Variants in CPE observed in about 807,000 individuals in gnomAD.
CPE encodes carboxypeptidase E.
Under a neutral mutation model 53.5 loss-of-function variants are expected in CPE, and 17 were observed. The observed-to-expected ratio is 0.32, with a 90% CI of 0.22 to 0.48. The LOEUF (loss-of-function observed/expected upper bound fraction) is 0.48, where lower values mean the gene tolerates loss of function less well. Among genes scored for constraint, CPE ranks in the 20% least tolerant of loss-of-function variants. The pLI is 0.99. For missense variants in CPE, 524 were observed against 614.7 expected (o/e 0.85, Z 1.56); for synonymous variants, 226 against 228.8 (o/e 0.99, Z 0.11).
At chr4:165,458,424 T>C (rs1023551337) in intron 1 of CPE, among the ~76,000 whole-genome samples, 2 of 152,232 alleles carry the variant, frequency 1.3e-5, no homozygotes, top group Admixed American at 1.3e-4. Context: ...GAGTTAAATA[T>C]ATAACTTCCA....
chr4:165,427,699 G>A (rs544731178), intron 1 of CPE, among the ~76,000 whole-genome samples: 4 of 152,162 alleles, frequency 2.6e-5, no homozygotes, highest in East Asian at 1.9e-4. Flanking sequence ...AGGCTCTGAC[G>A]GAAGTATTCC....
intron 6 of CPE, among the ~76,000 whole-genome samples, chr4:165,491,249 T>C (rs1327785434): frequency 6.6e-6 from 1 of 152,278 alleles, no homozygotes; most frequent in Non-Finnish European, 1.5e-5. Context: ...AATATGTTCT[T>C]GTAGTGATTG....
chr4:165,481,012 A>ATTTTTT (rs1332936191), intron 3 of CPE, among the ~76,000 whole-genome samples: 2 of 50,072 alleles, frequency 4.0e-5, no homozygotes, highest in African/African-American at 1.0e-4. Flanking sequence ...ATATATATAT[A>ATTTTTT]TATATTTTTT....
At chr4:165,445,969 A>G (rs1731708174) in intron 1 of CPE, among the ~76,000 whole-genome samples, 1 of 152,144 alleles carries the variant, frequency 6.6e-6, no homozygotes, top group Non-Finnish European at 1.5e-5. Flanking sequence ...ATAGATGGAA[A>G]CCTAATTTAT....
chr4:165,379,085 C>A lies in CPE; in HGVS notation c.-137C>A. The A allele has an allele frequency of 5.1e-6, 4 of 785,976 alleles. No individual in the cohort carries two copies. The highest frequency in any genetic ancestry group is 6.7e-6 in the Non-Finnish European group (4 of 593,340). 48.7% of individuals were successfully genotyped at this position (785,976 alleles called of 1,614,324 possible). On this transcript the variant is annotated 5_prime_UTR_variant, in exon 1 of 9. Transcript: ENST00000402744. The surrounding 1 kb of genome is among the most constrained non-coding windows in gnomAD (Gnocchi z 6.0). Reference sequence around the variant, plus strand: ...AGTGCGCGGGCTGACACTCATTCAGCCGGGGAAGGTGAGGCGAGTAGAGGC... The same window carrying A: ...AGTGCGCGGGCTGACACTCATTCAGACGGGGAAGGTGAGGCGAGTAGAGGC...
chr4:165,470,265 G>T (rs1408509123), intron 3 of CPE, among the ~76,000 whole-genome samples: 1 of 152,128 alleles, frequency 6.6e-6, no homozygotes, highest in Non-Finnish European at 1.5e-5. Flanking sequence ...TTTCTATGTT[G>T]GCATGCTTAC....
rs1043357753 is a variant in CPE, at chr4:165,404,980, T to G, written c.307+25452T>G. ...CTGGAATCACTGCTTCTACTTCCTTTAGCACTCTGTGCTTAAAACTAAGGA... is the reference window on the plus strand; with the variant it reads ...CTGGAATCACTGCTTCTACTTCCTTGAGCACTCTGTGCTTAAAACTAAGGA... On this transcript the variant is annotated intron_variant, in intron 1 of 8. Transcript: ENST00000402744. 5 of 754,294 alleles carry G rather than the reference T, an allele frequency of 6.6e-6. No homozygotes were observed. In the African/African-American group the frequency reaches 6.8e-5, roughly 10 times the overall value. The allele number at this position is 754,294 out of a possible 1,614,324, so 46.7% of individuals were successfully genotyped here.
At position 165,495,660 on chromosome 4, in the gene CPE, T is replaced by C. The variant is rs757383261; in HGVS notation, c.1315T>C (p.Tyr439His). The change falls in exon 8 of 9, where the codon TAC (tyrosine) becomes CAC (histidine). Residue 439 changes from tyrosine (Y) to histidine (H), a missense_variant. Physicochemically the swap from Tyr to His is moderately conservative, Grantham distance 83. Transcript: ENST00000402744. Reference sequence around the variant, plus strand: ...AATAACAAAGAAAGTGGCAGTTCCTTACAGCCCTGCTGCTGGGGTAAGTAA... The same window carrying C: ...AATAACAAAGAAAGTGGCAGTTCCTCACAGCCCTGCTGCTGGGGTAAGTAA... ...LAITKKVAVP[Y>H]SPAAGVDFEL... 6.2e-7 allele frequency: 1 copy of C among 1,609,882 alleles called. No homozygotes were observed. The highest frequency in any genetic ancestry group is 1.1e-5 in the South Asian group (1 of 90,764).
chr4:165,475,131 G>C (rs1040432846), intron 3 of CPE, among the ~76,000 whole-genome samples: 2 of 152,070 alleles, frequency 1.3e-5, no homozygotes, highest in Non-Finnish European at 2.9e-5. Flanking sequence ...TGAGGCTTGA[G>C]GTAAGAACTC....
At chr4:165,445,763 A>G (rs915802234) in intron 1 of CPE, among the ~76,000 whole-genome samples, 1 of 152,186 alleles carries the variant, frequency 6.6e-6, no homozygotes, top group Non-Finnish European at 1.5e-5. Context: ...AAGCAAAAAT[A>G]TTATTTTCGG....
At chr4:165,461,188 G>GAAAGAAAGATAAAGAA (rs1731996746) in intron 1 of CPE, among the ~76,000 whole-genome samples, 1 of 81,210 alleles carries the variant, frequency 1.2e-5, no homozygotes, top group Non-Finnish European at 2.3e-5. Flanking sequence ...AAAAAAAAAA[G>GAAAGAAAGATAAAGAA]AAAGAAAGAA....
At position 165,476,470 on chromosome 4, in the gene CPE, A is replaced by G. The variant is rs144112280; in HGVS notation, c.673-5772A>G. Among the ~76,000 whole-genome samples the G allele has an allele frequency of 4.4e-3, 664 of 149,614 alleles. 3 individuals carry two copies. Among genetic ancestry groups the G allele is most frequent in the African/African-American group, 0.015 (632 of 41,266 alleles). On this transcript the variant is annotated intron_variant, in intron 3 of 8. Transcript: ENST00000402744. ...TCCAGTGTTCCTAGAGGAAGGTCAT[A>G]TACCAGTTAAACTCTGCCATTTTGC...
intron 1 of CPE, among the ~76,000 whole-genome samples, chr4:165,393,303 A>G (rs1730714078): frequency 1.3e-5 from 2 of 152,184 alleles, no homozygotes. Flanking sequence ...AATAATGATC[A>G]TGCAGTTTGT....
At chr4:165,426,753 C>T (rs892883719) in intron 1 of CPE, among the ~76,000 whole-genome samples, 11 of 152,330 alleles carry the variant, frequency 7.2e-5, no homozygotes, top group Admixed American at 2.6e-4. Context: ...CCCTTTGTTA[C>T]AATCTCACCA....
chr4:165,441,197 A>C (rs775617945), intron 1 of CPE, among the ~76,000 whole-genome samples: 13 of 152,150 alleles, frequency 8.5e-5, no homozygotes, highest in Non-Finnish European at 1.9e-4. Context: ...GTTCACTCTC[A>C]AGAATCTTGA....
At chr4:165,477,969 C>T (rs866622065) in intron 3 of CPE, among the ~76,000 whole-genome samples, 1 of 152,298 alleles carries the variant, frequency 6.6e-6, no homozygotes, top group Middle Eastern at 3.4e-3. Context: ...GTCATCGGCT[C>T]TTGAGCTCTT....
At chr4:165,460,588 C>T (rs920765063) in intron 1 of CPE, among the ~76,000 whole-genome samples, 4 of 152,090 alleles carry the variant, frequency 2.6e-5, no homozygotes, top group African/African-American at 7.2e-5. Flanking sequence ...GCCTCAAGCC[C>T]CCTTCAGTTA....
intron 1 of CPE, among the ~76,000 whole-genome samples, chr4:165,455,680 T>A (rs928415417): frequency 2.7e-5 from 4 of 150,386 alleles, no homozygotes; most frequent in African/African-American, 9.8e-5. Context: ...TGAGACAGAG[T>A]CTTGCACTGT....
chr4:165,482,224 A>T lies in CPE; in HGVS notation c.673-18A>T. On this transcript the variant is annotated intron_variant, in intron 3 of 8. Transcript: ENST00000402744. ...TGATTATTAAATTTATAATCCTTTT[A>T]ATCTCTCATCTGAACAGCTTGCTCC... The T allele has an allele frequency of 6.8e-7, 1 of 1,478,614 alleles. No individual in the cohort carries two copies. The highest frequency in any genetic ancestry group is 9.4e-7 in the Non-Finnish European group (1 of 1,063,196). 91.6% of individuals were successfully genotyped at this position (1,478,614 alleles called of 1,614,324 possible).
Sources: gnomAD v4.1 joint callset for allele counts (sites outside exome capture counted in the v4.1 genomes callset) on GRCh38, gnomAD v4.1.1 for gene constraint, Gnocchi (gnomAD v3.1) non-coding constraint, MANE v1.5 for transcripts, NCBI Gene and HGNC (gene_info 2026-07-23, HGNC 2026-07-21) for gene names.